The following BAZ2B variants were observed in gnomAD, a reference collection of about 807,000 sequenced individuals.
BAZ2B encodes the protein bromodomain adjacent to zinc finger domain 2B.
Under a neutral mutation model 246.0 loss-of-function variants are expected in BAZ2B, and 91 were observed. The observed-to-expected ratio is 0.37, with a 90% CI of 0.31 to 0.44. The LOEUF is 0.44. Ranked by LOEUF, BAZ2B falls within the 20% of genes least tolerant of loss-of-function variation. The pLI is 1.00. For missense variants in BAZ2B, 2,332 were observed against 2,533.7 expected (o/e 0.92, Z 1.71); for synonymous variants, 855 against 860.0 (o/e 0.99, Z 0.10).
intron 13 of BAZ2B, among the ~76,000 whole-genome samples, chr2:159,424,152 CTTT>C: frequency 6.6e-6 from 1 of 152,064 alleles, no homozygotes. Context: ...CAATTATGGG[CTTT>C]TTTTCTTTAA....
intron 26 of BAZ2B, among the ~76,000 whole-genome samples, chr2:159,373,675 A>T (rs1467504328): frequency 1.3e-5 from 2 of 152,170 alleles, no homozygotes; most frequent in African/African-American, 4.8e-5. Flanking sequence ...TACAAAAAAT[A>T]TGAAAAATCA....
rs181008635 is a variant in BAZ2B at position 159,587,254 on chromosome 2, G to T, written c.-46+28988C>A. ...CCACCACGCCTGGCTAATTTTTTTTGTATTTTTAGTAGAGATGGGGTTTCA... is the reference window on the plus strand; with the variant it reads ...CCACCACGCCTGGCTAATTTTTTTTTTATTTTTAGTAGAGATGGGGTTTCA... On this transcript the variant is annotated intron_variant, in intron 1 of 36. Transcript: ENST00000392783. Among the ~76,000 whole-genome samples, 491 of 151,936 alleles carry T rather than the reference G, an allele frequency of 3.2e-3. 2 individuals are homozygous for T. The highest frequency in any genetic ancestry group is 0.011 in the African/African-American group (451 of 41,452).
Position 159,347,627 on chromosome 2 carries a change from A to G in BAZ2B, c.5313T>C (p.Asn1771=). Residue 1771 remains asparagine (N), a synonymous_variant, in exon 31 of 37, where the codon AAT becomes AAC. Transcript: ENST00000392783. ...KNKDVAIIEL[N]ENEENQVTRD... is the part of the protein sequence containing the mutation. ...GAGTTACTTGGTTTTCTTCATTTTC[A>G]TTCAGTTCAATAATAGCAACTACAT... The G allele has an allele frequency of 1.2e-6, 2 of 1,609,776 alleles. No individual in the cohort carries two copies. The highest frequency in any genetic ancestry group is 1.7e-6 in the Non-Finnish European group (2 of 1,177,134).
chr2:159,705,293 A>T, the BAZ2B span, among the ~76,000 whole-genome samples: 1 of 151,856 alleles, frequency 6.6e-6, no homozygotes, highest in Non-Finnish European at 1.5e-5. Context: ...AAGTGCTGGG[A>T]TTACAGGTGT....
At chr2:159,630,538 C>CT in the BAZ2B span, among the ~76,000 whole-genome samples, 78,583 of 145,158 alleles carry the variant, frequency 0.54, 21,873 homozygotes, top group East Asian at 0.73. Flanking sequence ...ATTCTTCTCT[C>CT]TTTTTTTTTT....
intron 3 of BAZ2B, among the ~76,000 whole-genome samples, chr2:159,473,381 G>A (rs978110164): frequency 2.6e-5 from 4 of 152,124 alleles, no homozygotes; most frequent in Non-Finnish European, 5.9e-5. Flanking sequence ...ACTCTCTGAT[G>A]GTAGTTTGTA....
chr2:159,428,692 A>T (rs1057230953), intron 11 of BAZ2B, among the ~76,000 whole-genome samples: 2 of 152,156 alleles, frequency 1.3e-5, no homozygotes, highest in African/African-American at 2.4e-5. Context: ...CATTTCAGTA[A>T]CATGTTAATG....
At chr2:159,700,032 T>C in the BAZ2B span, among the ~76,000 whole-genome samples, 1 of 152,114 alleles carries the variant, frequency 6.6e-6, no homozygotes, top group African/African-American at 2.4e-5. Flanking sequence ...CCTAATCCCA[T>C]CCATGAAGGC....
intron 21 of BAZ2B, among the ~76,000 whole-genome samples, chr2:159,387,215 A>G (rs3771709): frequency 0.75 from 114,436 of 151,996 alleles, 45,248 homozygotes; most frequent in Middle Eastern, 0.91. Flanking sequence ...AATGCAACTA[A>G]AGGTCTTTAG....
the BAZ2B span, chr2:159,689,842 G>A: frequency 2.3e-5 from 11 of 487,444 alleles, no homozygotes; most frequent in Non-Finnish European, 3.0e-5. Context: ...AGATTTGGCA[G>A]AATTGCTGGT....
At position 159,349,755 on chromosome 2, in the gene BAZ2B, C is replaced by A; in HGVS notation, c.4816G>T (p.Ala1606Ser). Residue 1606 changes from alanine (A) to serine (S), a missense_variant, in exon 28 of 37, where the codon GCT becomes TCT. This residue lies in a region of BAZ2B where 676 missense variants were observed against 668.6 expected (regional missense o/e 1.01). Transcript: ENST00000392783. ...SPTPAPLGSSAQNPVGLNPFA... is the reference protein window; with the variant it reads ...SPTPAPLGSSSQNPVGLNPFA... ...GGATTTAAGCCAACAGGATTCTGAG[C>A]AGAAGATCCAAGAGGAGCTGGGGTA... The A allele has an allele frequency of 1.2e-6, 2 of 1,613,976 alleles. No homozygotes were observed. Among genetic ancestry groups the A allele is most frequent in the Non-Finnish European group, 1.7e-6 (2 of 1,179,988 alleles).
chr2:159,355,433 C>T lies in BAZ2B; in HGVS notation c.4214-5076G>A, dbSNP rs541075900. ...TATGTCTATTTAGGATTGTTCCTTT[C>T]CAGGCTGATCCAGAAAATTTTAAGA... is the stretch of plus-strand genomic sequence containing the variant. On this transcript the variant is annotated intron_variant, in intron 27 of 36. Coordinates refer to ENST00000392783, the MANE Select transcript of BAZ2B (RefSeq NM_013450.4). Among the ~76,000 whole-genome samples, 269 of 152,236 alleles carry T rather than the reference C, an allele frequency of 1.8e-3. 1 individual carries two copies. Among genetic ancestry groups the T allele is most frequent in the Non-Finnish European group, 2.6e-3 (174 of 68,008 alleles).
the BAZ2B span, among the ~76,000 whole-genome samples, chr2:159,698,756 A>G: frequency 1.3e-5 from 2 of 152,130 alleles, no homozygotes; most frequent in Non-Finnish European, 2.9e-5. Flanking sequence ...AATACTTCTT[A>G]GGAGTTAAAA....
chr2:159,325,147 ATG>A, intron 35 of BAZ2B, among the ~76,000 whole-genome samples, 193 bp from the exon 36 acceptor site: 2 of 83,518 alleles, frequency 2.4e-5, no homozygotes, highest in Non-Finnish European at 2.3e-5. Context: ...ATATATATAT[ATG>A]AGATAGGGTC....
intron 11 of BAZ2B, 150 bp from the exon 12 acceptor site, chr2:159,428,569 T>A: frequency 3.9e-6 from 2 of 508,382 alleles, no homozygotes; most frequent in South Asian, 7.7e-5. Context: ...ACATTAACTC[T>A]CAAAATTATT....
intron 13 of BAZ2B, among the ~76,000 whole-genome samples, chr2:159,417,972 T>C (rs1559342151): frequency 6.6e-6 from 1 of 152,142 alleles, no homozygotes; most frequent in Non-Finnish European, 1.5e-5. Flanking sequence ...GAGAGATGAA[T>C]AGTACATTAG....
intron 2 of BAZ2B, among the ~76,000 whole-genome samples, chr2:159,487,572 T>C (rs1239072707): frequency 1.3e-5 from 2 of 152,284 alleles, no homozygotes; most frequent in African/African-American, 2.4e-5. Context: ...TTAAATCTTA[T>C]TTCCTCATGG....
At chr2:159,525,864 C>T (rs138427030) in intron 2 of BAZ2B, among the ~76,000 whole-genome samples, 1 of 152,236 alleles carries the variant, frequency 6.6e-6, no homozygotes, top group African/African-American at 2.4e-5. Flanking sequence ...TTAAATACCA[C>T]ACTAAGTGTT....
At chr2:159,688,908 C>T in the BAZ2B span, among the ~76,000 whole-genome samples, 1 of 152,148 alleles carries the variant, frequency 6.6e-6, no homozygotes. Context: ...TGCTATTGGT[C>T]CCACTACTGT....
Sources: allele counts gnomAD v4.1 joint callset (sites outside exome capture counted in the v4.1 genomes callset), GRCh38; gene constraint gnomAD v4.1.1; regional missense constraint gnomAD v4.1.1; transcripts MANE v1.5; gene names NCBI Gene and HGNC (gene_info 2026-07-23, HGNC 2026-07-21).